Variants in DLG1 observed in about 807,000 individuals in gnomAD.
DLG1 encodes the protein disks large homolog 1.
A neutral mutation model predicts 123.4 loss-of-function variants in DLG1; 42 were observed. That is an observed-to-expected ratio of 0.34 (90% confidence interval 0.27 to 0.44). The LOEUF is 0.44. Among genes scored for constraint, DLG1 ranks in the 20% least tolerant of loss-of-function variants. DLG1 has a pLI of 1.00. For missense variants in DLG1, 942 were observed against 1,082.6 expected, an observed-to-expected ratio of 0.87 and a Z score of 1.82; for synonymous variants, 317 against 356.2, an observed-to-expected ratio of 0.89 and a Z score of 1.24.
At chr3:197,169,955 T>G (rs1046317651) in intron 5 of DLG1, among the ~76,000 whole-genome samples, 11 of 152,180 alleles carry the variant, frequency 7.2e-5, no homozygotes, top group Non-Finnish European at 1.3e-4. Flanking sequence ...TGTTCCGCTC[T>G]ATGCGTCCAC....
chr3:197,114,937 G>A lies in DLG1; in HGVS notation c.1443+990C>T, dbSNP rs567740109. 4.9e-5 allele frequency among the ~76,000 whole-genome samples: 7 copies of A among 142,442 alleles called. No individual in the cohort carries two copies. In the East Asian group the frequency reaches 1.5e-3, roughly 30 times the overall value. The allele number at this position is 142,442 out of a possible 152,430, so 93.4% of individuals were successfully genotyped here. A position where few individuals can be genotyped will look rare whatever the true frequency, so the allele number is the denominator to read the frequency against. ...GGAGCTTGCAGTGAGCCAAGATCGC[G>A]CCACTGCACTCCATCCAGCCTGGGC... On this transcript the variant is annotated intron_variant, in intron 13 of 24. Transcript: ENST00000667157.
intron 18 of DLG1, among the ~76,000 whole-genome samples, chr3:197,074,194 A>T (rs886243322): frequency 6.6e-6 from 1 of 152,222 alleles, no homozygotes; most frequent in Non-Finnish European, 1.5e-5. Flanking sequence ...TTGTGAATAA[A>T]ATCTTGATCT....
At chr3:197,129,444 A>C (rs1781410077) in intron 11 of DLG1, among the ~76,000 whole-genome samples, 1 of 152,202 alleles carries the variant, frequency 6.6e-6, no homozygotes, top group Admixed American at 6.5e-5. Flanking sequence ...TTTGGTTTGA[A>C]GGAATCTTAT....
Position 197,202,465 on chromosome 3 carries a change from T to C in DLG1, c.319-7876A>G, listed in dbSNP as rs539517545. Among the ~76,000 whole-genome samples the C allele has an allele frequency of 3.3e-5, 5 of 152,358 alleles. No homozygotes were observed. In the South Asian group the frequency reaches 8.3e-4, roughly 25 times the overall value. On this transcript the variant is annotated intron_variant, in intron 4 of 24. Coordinates refer to ENST00000667157, the MANE Select transcript of DLG1 (RefSeq NM_001366207.1). ...CAATTTTAAGACATTCATGTCTTCA[T>C]GTATTTTACCATGATCATCTCAATG...
chr3:197,297,818 G>A, intron 1 of DLG1: 3 of 985,320 alleles, frequency 3.0e-6, no homozygotes, highest in Non-Finnish European at 2.4e-6. Flanking sequence ...GGTGAGCGGC[G>A]TGCGCTCGGA....
At chr3:197,105,107 C>T (rs2149312196) in intron 13 of DLG1, 102 bp from the exon 14 acceptor site, 1 of 674,234 alleles carries the variant, frequency 1.5e-6, no homozygotes. Flanking sequence ...AAATTAGTTG[C>T]AATAACTTTA....
rs1721361283 is a variant in DLG1 at position 197,194,462 on chromosome 3, T to C, written c.446A>G (p.His149Arg). The change falls in exon 5 of 25, where the codon CAT becomes CGT. Residue 149 changes from histidine (H) to arginine (R), a missense_variant. Physicochemically the swap from His to Arg is conservative, Grantham distance 29. Coordinates refer to ENST00000667157, the MANE Select transcript of DLG1 (RefSeq NM_001366207.1). The stretch of plus-strand genomic sequence containing the variant: ...AATATGAGAATGAGAAACAAATCCA[T>C]GGACATTCTCAATCTCTGATAAGTT... ...EKNLSEIENVHGFVSHSHISP... is the reference protein window; with the variant it reads ...EKNLSEIENVRGFVSHSHISP... 5 of 1,600,846 alleles carry C rather than the reference T, an allele frequency of 3.1e-6. No homozygotes were observed. In the African/African-American group the frequency reaches 4.0e-5, roughly 13 times the overall value.
intron 15 of DLG1, among the ~76,000 whole-genome samples, chr3:197,088,835 T>C (rs1323961524): frequency 1.3e-5 from 2 of 151,958 alleles, no homozygotes; most frequent in African/African-American, 2.4e-5. Flanking sequence ...CCAGGAAAAA[T>C]GAAGGGCTGC....
intron 4 of DLG1, among the ~76,000 whole-genome samples, chr3:197,243,595 G>C (rs1424297421): frequency 6.6e-6 from 1 of 152,052 alleles, no homozygotes; most frequent in African/African-American, 2.4e-5. Flanking sequence ...TCATGACACA[G>C]ACTCCACCTC....
chr3:197,134,884 C>G (rs1363455761), intron 10 of DLG1, among the ~76,000 whole-genome samples: 6 of 152,174 alleles, frequency 3.9e-5, no homozygotes, highest in Non-Finnish European at 5.9e-5. Context: ...AAGCTTGGGA[C>G]AAATAACCCC....
At chr3:197,279,071 T>C (rs751387371) in intron 4 of DLG1, among the ~76,000 whole-genome samples, 1 of 152,200 alleles carries the variant, frequency 6.6e-6, no homozygotes, top group Non-Finnish European at 1.5e-5. Flanking sequence ...ATTCTCTAAG[T>C]CCCTTTTTAG....
chr3:197,219,751 C>T (rs531339790), intron 4 of DLG1, among the ~76,000 whole-genome samples: 8 of 152,020 alleles, frequency 5.3e-5, no homozygotes, highest in African/African-American at 1.7e-4. Flanking sequence ...TATGCATGCA[C>T]GGAGGAAAGG....
At chr3:197,072,705 A>G (rs1285724449) in intron 18 of DLG1, among the ~76,000 whole-genome samples, 1 of 150,728 alleles carries the variant, frequency 6.6e-6, no homozygotes, top group East Asian at 1.9e-4. Context: ...CAAAAAAACA[A>G]AAAAAAAACC....
At chr3:197,116,198 C>T (rs572097979) in intron 12 of DLG1, 115 bp from the exon 13 acceptor site, 39 of 764,524 alleles carry the variant, frequency 5.1e-5, no homozygotes, top group Non-Finnish European at 7.2e-5. Context: ...GAAAGCTAGA[C>T]AAAATATAAA....
At chr3:197,156,315 G>A (rs574286572) in intron 5 of DLG1, among the ~76,000 whole-genome samples, 1 of 151,584 alleles carries the variant, frequency 6.6e-6, no homozygotes, top group Admixed American at 6.6e-5. Flanking sequence ...TAGACACAAA[G>A]GAAACAAGAA....
intron 18 of DLG1, among the ~76,000 whole-genome samples, chr3:197,071,764 T>C (rs1468230000): frequency 6.6e-6 from 1 of 152,082 alleles, no homozygotes; most frequent in African/African-American, 2.4e-5. Flanking sequence ...CCAGAATGGC[T>C]AAAATGAAAA....
chr3:197,178,142 AGT>A (rs1561268825), intron 5 of DLG1, among the ~76,000 whole-genome samples: 1 of 152,200 alleles, frequency 6.6e-6, no homozygotes, highest in Non-Finnish European at 1.5e-5. Context: ...AAGAAGACAG[AGT>A]AATGTCTGGA....
chr3:197,148,261 A>AAAAAAAAAAAAAAAAAAAAAAC, intron 6 of DLG1, among the ~76,000 whole-genome samples: 1 of 144,788 alleles, frequency 6.9e-6, no homozygotes. Context: ...AAAAAAAAAA[A>AAAAAAAAAAAAAAAAAAAAAAC]TAGCCAGTCA....
At chr3:197,219,165 T>G (rs1735631090) in intron 4 of DLG1, among the ~76,000 whole-genome samples, 1 of 151,894 alleles carries the variant, frequency 6.6e-6, no homozygotes, top group African/African-American at 2.4e-5. Context: ...AAATTAAAAC[T>G]CAGATTACCA....
Sources: allele counts gnomAD v4.1 joint callset (sites outside exome capture counted in the v4.1 genomes callset), GRCh38; gene constraint gnomAD v4.1.1; transcripts MANE v1.5; gene names NCBI Gene and HGNC (gene_info 2026-07-23, HGNC 2026-07-21).